Variants in CD82 observed in about 807,000 individuals in gnomAD.
CD82 encodes the protein CD82 molecule, also known as CD82 antigen.
CD82 carries 36 observed loss-of-function variants against 37.4 expected under a neutral mutation model. The observed-to-expected ratio is 0.96, with a 90% CI of 0.74 to 1.27. The LOEUF (loss-of-function observed/expected upper bound fraction) is 1.27, where lower values mean the gene tolerates loss of function less well. Among genes scored for constraint, CD82 ranks in the 50% most tolerant of loss-of-function variants. The pLI, the probability that CD82 is intolerant of heterozygous loss-of-function variation, is 0.00. For synonymous variants in CD82, 158 were observed against 137.4 expected (o/e 1.15, Z -1.05); for missense variants, 340 against 347.0 (o/e 0.98, Z 0.16).
chr11:44,566,064 G>A (rs1390533834), intron 1 of CD82: 1 of 152,284 alleles, frequency 6.6e-6, no homozygotes, highest in Non-Finnish European at 1.5e-5. Context: ...GCTGGCAGGT[G>A]AGAGCAGGCT....
intron 6 of CD82, among the ~76,000 whole-genome samples, chr11:44,613,340 G>T (rs565553993): frequency 1.3e-5 from 2 of 152,332 alleles, no homozygotes; most frequent in South Asian, 4.1e-4. Context: ...GCTTATCGCC[G>T]AGGGAGGCCC....
chr11:44,596,207 C>T (rs1480797126), intron 3 of CD82, among the ~76,000 whole-genome samples: 5 of 152,246 alleles, frequency 3.3e-5, no homozygotes, highest in Non-Finnish European at 7.3e-5. Flanking sequence ...GCGGTCAGGT[C>T]TCTCCTGGCT....
chr11:44,589,740 C>T (rs1185068436), intron 2 of CD82, among the ~76,000 whole-genome samples: 1 of 152,222 alleles, frequency 6.6e-6, no homozygotes, highest in Non-Finnish European at 1.5e-5. Flanking sequence ...CCTGTGTCTT[C>T]TCTCTCTAAG....
chr11:44,582,241 T>C (rs917199950), intron 1 of CD82, among the ~76,000 whole-genome samples: 2 of 152,188 alleles, frequency 1.3e-5, no homozygotes, highest in African/African-American at 4.8e-5. Context: ...CCATTGTGGA[T>C]GCTCTCATGA....
intron 2 of CD82, among the ~76,000 whole-genome samples, chr11:44,589,117 A>G (rs142228800): frequency 0.019 from 2,867 of 152,302 alleles, 99 homozygotes; most frequent in African/African-American, 0.064. Flanking sequence ...TTAGCCGGGC[A>G]TGATGGCACA....
chr11:44,598,770 G>C (rs1300758024), intron 3 of CD82, among the ~76,000 whole-genome samples: 1 of 152,204 alleles, frequency 6.6e-6, no homozygotes, highest in Non-Finnish European at 1.5e-5. Flanking sequence ...TGGAGACCCT[G>C]TGCCCAGGCC....
chr11:44,604,241 T>C (rs562683464), intron 4 of CD82, among the ~76,000 whole-genome samples: 2 of 152,372 alleles, frequency 1.3e-5, no homozygotes, highest in South Asian at 4.1e-4. Flanking sequence ...ACTGGCACAG[T>C]GCCTGGCATG....
At chr11:44,595,201 G>A (rs1369020158) in intron 3 of CD82, among the ~76,000 whole-genome samples, 2 of 152,228 alleles carry the variant, frequency 1.3e-5, no homozygotes, top group Admixed American at 6.5e-5. Flanking sequence ...CATAGGGAGA[G>A]CAAGAGGGCG....
At chr11:44,608,846 T>C (rs1484301087) in intron 6 of CD82, among the ~76,000 whole-genome samples, 4 of 152,202 alleles carry the variant, frequency 2.6e-5, no homozygotes, top group Admixed American at 2.6e-4. Context: ...TAAAATCTGA[T>C]CCTGTCTCGA....
chr11:44,599,004 A>G (rs1385362643), intron 3 of CD82, among the ~76,000 whole-genome samples: 1 of 152,204 alleles, frequency 6.6e-6, no homozygotes, highest in Non-Finnish European at 1.5e-5. Context: ...GATGGCAGGC[A>G]CTTCCCCAGC....
In CD82 at chr11:44,619,062, T is replaced by C; in HGVS notation, c.740T>C (p.Val247Ala). The C allele has an allele frequency of 6.2e-7, 1 of 1,612,194 alleles. No homozygotes were observed. The highest frequency in any genetic ancestry group is 8.5e-7 in the Non-Finnish European group (1 of 1,179,432). ...CTCTCCCCACAGCTCCTGGGGATGG[T>C]CCTGTCCATCTGCTTGTGCCGGCAC... ...GVAIIELLGMVLSICLCRHVH... is the reference protein window; with the variant it reads ...GVAIIELLGMALSICLCRHVH... Residue 247 changes from valine (V) to alanine (A), a missense_variant, in exon 10 of 10, where the codon GTC (valine) becomes GCC (alanine). Physicochemically the swap from Val to Ala is moderately conservative, Grantham distance 64. Transcript: ENST00000227155.
intron 6 of CD82, 46 bp downstream of exon 6, chr11:44,605,475 G>T: frequency 6.4e-7 from 1 of 1,556,784 alleles, no homozygotes; most frequent in Non-Finnish European, 8.9e-7. Flanking sequence ...GACCAACCAT[G>T]GGGGTGATTG....
chr11:44,587,663 C>G (rs762745949), intron 2 of CD82, 107 bp downstream of exon 2: 10 of 444,284 alleles, frequency 2.3e-5, no homozygotes, highest in Non-Finnish European at 4.6e-5. Flanking sequence ...GTCTGAGCCA[C>G]CAGGTGGGTG....
intron 2 of CD82, chr11:44,587,895 G>C: frequency 3.6e-6 from 1 of 277,984 alleles, no homozygotes; most frequent in South Asian, 3.6e-5. Flanking sequence ...AGGTGGCCGA[G>C]AACTTGAAAG....
chr11:44,592,821 G>A (rs1362854939), intron 2 of CD82, among the ~76,000 whole-genome samples: 1 of 152,144 alleles, frequency 6.6e-6, no homozygotes, highest in East Asian at 1.9e-4. Flanking sequence ...GAGCCCCCTA[G>A]ACTGGAAGAG....
At chr11:44,618,071 C>T in intron 7 of CD82, 91 bp from the exon 8 acceptor site, 1 of 1,109,176 alleles carries the variant, frequency 9.0e-7, no homozygotes, top group Non-Finnish European at 1.3e-6. Flanking sequence ...ATATCTCAGT[C>T]TCTGTCCTGG....
chr11:44,578,375 A>G (rs1243814170), intron 1 of CD82, among the ~76,000 whole-genome samples: 12 of 152,106 alleles, frequency 7.9e-5, no homozygotes, highest in Non-Finnish European at 1.8e-4. Flanking sequence ...TGAGACCACG[A>G]TGGTGTTGCC....
intron 2 of CD82, among the ~76,000 whole-genome samples, chr11:44,591,976 C>G (rs533749608): frequency 1.3e-5 from 2 of 152,180 alleles, no homozygotes; most frequent in East Asian, 1.9e-4. Flanking sequence ...CCCACCCCCA[C>G]GCCTGGCTAA....
intron 6 of CD82, among the ~76,000 whole-genome samples, chr11:44,609,573 GTCC>G (rs1292308130): frequency 6.6e-6 from 1 of 152,184 alleles, no homozygotes; most frequent in East Asian, 1.9e-4. Context: ...CTTCCTTCTT[GTCC>G]TCCTTGCTCT....
Sources: gnomAD v4.1 joint callset for allele counts (sites outside exome capture counted in the v4.1 genomes callset) on GRCh38, gnomAD v4.1.1 for gene constraint, MANE v1.5 for transcripts, NCBI Gene and HGNC (gene_info 2026-07-23, HGNC 2026-07-21) for gene names.